The following CAST variants were observed in gnomAD, a reference collection of about 807,000 sequenced individuals.
The protein encoded by CAST is calpastatin, also known as MIR583 host.
A neutral mutation model predicts 119.6 loss-of-function variants in CAST; 76 were observed. The ratio of observed to expected loss-of-function variants is 0.64; its 90% CI spans 0.53 to 0.77. CAST has a LOEUF of 0.77. Among genes scored for constraint, CAST ranks in the 30% least tolerant of loss-of-function variants. The pLI, the probability that CAST is intolerant of heterozygous loss-of-function variation, is 0.00. For synonymous variants in CAST, 319 were observed against 331.6 expected (o/e 0.96, Z 0.41); for missense variants, 953 against 946.5 (o/e 1.01, Z -0.09).
the CAST span, among the ~76,000 whole-genome samples, chr5:96,465,502 C>T: frequency 2.0e-5 from 3 of 152,056 alleles, no homozygotes; most frequent in South Asian, 2.1e-4. Context: ...CTTTTTTATT[C>T]GCCAAATTCT....
chr5:96,534,737 G>GGA, intron 1 of CAST, among the ~76,000 whole-genome samples: 1 of 14,230 alleles, frequency 7.0e-5, no homozygotes, highest in African/African-American at 2.2e-4. Context: ...GAGAGAGAGA[G>GGA]AGAGAAAGAA....
chr5:96,163,028 T>G, the CAST span, among the ~76,000 whole-genome samples: 1 of 152,192 alleles, frequency 6.6e-6, no homozygotes, highest in Non-Finnish European at 1.5e-5. Flanking sequence ...ACTGGGCTTT[T>G]CTTTGAGGGT....
Position 96,762,190 on chromosome 5 carries a change from C to T in CAST, c.1834-84C>T, listed in dbSNP as rs966836669. The T allele has an allele frequency of 1.6e-5, 12 of 733,916 alleles. No individual in the cohort carries two copies. In the African/African-American group the frequency reaches 1.8e-4, roughly 11 times the overall value. The allele number at this position is 733,916 out of a possible 1,614,324, so 45.5% of individuals were successfully genotyped here. On this transcript the variant is annotated intron_variant, in intron 24 of 31. Transcript: ENST00000675179. ...AGAGAATAAACAGTCATTAAGCTAT[C>T]TTTAAGAGTTATAGTTAAGTGATGG...
the CAST span, among the ~76,000 whole-genome samples, chr5:96,207,700 A>G: frequency 6.6e-6 from 1 of 151,968 alleles, no homozygotes; most frequent in Admixed American, 6.6e-5. Context: ...TTGGTTTGCT[A>G]TTATTTTGTT....
chr5:95,990,682 A>G, the CAST span, among the ~76,000 whole-genome samples: 1 of 152,284 alleles, frequency 6.6e-6, no homozygotes, highest in African/African-American at 2.4e-5. Context: ...TTATGTGAAT[A>G]TAAGCATTTA....
chr5:96,443,413 T>A, the CAST span, among the ~76,000 whole-genome samples: 8 of 152,220 alleles, frequency 5.3e-5, no homozygotes, highest in African/African-American at 1.7e-4. Context: ...AGTTTCTACA[T>A]CCTGCCCCAA....
chr5:95,977,275 T>C, the CAST span, among the ~76,000 whole-genome samples: 1 of 152,226 alleles, frequency 6.6e-6, no homozygotes, highest in African/African-American at 2.4e-5. Context: ...GATGACATTT[T>C]CTTGCAGTGT....
At chr5:96,457,497 C>G in the CAST span, among the ~76,000 whole-genome samples, 2 of 152,116 alleles carry the variant, frequency 1.3e-5, no homozygotes, top group Non-Finnish European at 2.9e-5. Context: ...GGCTACGTTC[C>G]CTCCTCGTCT....
chr5:96,238,665 G>T, the CAST span, among the ~76,000 whole-genome samples: 1 of 151,396 alleles, frequency 6.6e-6, no homozygotes, highest in Non-Finnish European at 1.5e-5. Context: ...CTGCCAAAGT[G>T]CTGGGATTAC....
chr5:96,508,222 C>T, the CAST span, among the ~76,000 whole-genome samples: 5 of 151,984 alleles, frequency 3.3e-5, no homozygotes, highest in Admixed American at 1.3e-4. Flanking sequence ...AAAAGGAGAA[C>T]GGACTTTGGA....
chr5:96,218,122 T>G, the CAST span, among the ~76,000 whole-genome samples: 1 of 152,218 alleles, frequency 6.6e-6, no homozygotes, highest in South Asian at 2.1e-4. Context: ...TAAAAGGTTT[T>G]GCATGGGTTC....
intron 1 of CAST, among the ~76,000 whole-genome samples, chr5:96,603,856 A>G (rs942629299): frequency 1.4e-5 from 2 of 139,602 alleles, no homozygotes; most frequent in African/African-American, 5.4e-5. Flanking sequence ...CTCAACCTCC[A>G]GGGCTCAAAC....
chr5:95,966,180 A>G, the CAST span, among the ~76,000 whole-genome samples: 17 of 152,258 alleles, frequency 1.1e-4, no homozygotes, highest in East Asian at 2.9e-3. Flanking sequence ...TGTAGAGCAA[A>G]CATACTGTGT....
the CAST span, among the ~76,000 whole-genome samples, chr5:96,110,532 T>C: frequency 6.6e-6 from 1 of 152,166 alleles, no homozygotes; most frequent in Non-Finnish European, 1.5e-5. Context: ...TTTGAAGAGA[T>C]TATCACTGGA....
chr5:96,759,855 C>G (rs1477765219), intron 24 of CAST, among the ~76,000 whole-genome samples: 2 of 151,820 alleles, frequency 1.3e-5, no homozygotes, highest in Non-Finnish European at 2.9e-5. Flanking sequence ...AATAATCTTA[C>G]TAATAAAATT....
At chr5:96,489,124 C>T in the CAST span, among the ~76,000 whole-genome samples, 2 of 152,204 alleles carry the variant, frequency 1.3e-5, no homozygotes, top group Non-Finnish European at 2.9e-5. Flanking sequence ...AGCACATGCT[C>T]AGCCATCCAG....
intron 25 of CAST, among the ~76,000 whole-genome samples, chr5:96,764,414 T>C (rs1439822184): frequency 1.3e-5 from 2 of 152,190 alleles, no homozygotes; most frequent in East Asian, 1.9e-4. Flanking sequence ...GTTACAGTGA[T>C]ATTGTTGTCC....
chr5:96,534,055 T>C (rs1403636953), intron 1 of CAST, among the ~76,000 whole-genome samples: 1 of 152,206 alleles, frequency 6.6e-6, no homozygotes, highest in Non-Finnish European at 1.5e-5. Context: ...GAAATTAGAA[T>C]TTTGGAATAT....
intron 2 of CAST, among the ~76,000 whole-genome samples, chr5:96,677,084 T>C (rs928803246): frequency 3.3e-5 from 5 of 152,094 alleles, no homozygotes; most frequent in African/African-American, 1.2e-4. Flanking sequence ...TAGTGTCATT[T>C]AACTCATTTA....
Sources: allele counts gnomAD v4.1 joint callset (sites outside exome capture counted in the v4.1 genomes callset), GRCh38; gene constraint gnomAD v4.1.1; transcripts MANE v1.5; gene names NCBI Gene and HGNC (gene_info 2026-07-23, HGNC 2026-07-21).